Variants in MVB12B observed in about 807,000 individuals in gnomAD.
MVB12B encodes the protein ESCRT-I complex subunit MVB12B.
MVB12B carries 16 observed loss-of-function variants against 41.6 expected under a neutral mutation model. That is an observed-to-expected ratio of 0.38 (90% CI 0.26 to 0.58). The LOEUF (loss-of-function observed/expected upper bound fraction) is 0.58. MVB12B is among the 20% of genes least tolerant of loss of function. MVB12B has a pLI of 0.62. For synonymous variants in MVB12B, 133 were observed against 139.7 expected (o/e 0.95, Z 0.34); for missense variants, 274 against 380.2 (o/e 0.72, Z 2.32).
chr9:126,413,543 CCTTT>C (rs1564317950), intron 6 of MVB12B, among the ~76,000 whole-genome samples: 1 of 152,132 alleles, frequency 6.6e-6, no homozygotes, highest in Non-Finnish European at 1.5e-5. Flanking sequence ...CATTACTTCC[CCTTT>C]CTTAAGTATT....
chr9:126,421,770 T>A, intron 6 of MVB12B, 84 bp from the exon 7 acceptor site: 1 of 1,022,364 alleles, frequency 9.8e-7, no homozygotes, highest in Non-Finnish European at 1.6e-6. Flanking sequence ...TGTGCTGCAT[T>A]TCAGCTGTTG....
intron 2 of MVB12B, among the ~76,000 whole-genome samples, chr9:126,372,938 G>C (rs1454438739): frequency 6.6e-6 from 1 of 152,126 alleles, no homozygotes; most frequent in African/African-American, 2.4e-5. Flanking sequence ...GCACAGTTAG[G>C]AAAGACCTGT....
At chr9:126,418,174 G>A (rs1831881095) in intron 6 of MVB12B, among the ~76,000 whole-genome samples, 1 of 151,838 alleles carries the variant, frequency 6.6e-6, no homozygotes, top group Non-Finnish European at 1.5e-5. Flanking sequence ...CGGGGTGGGG[G>A]GTGGTGGGCA....
At chr9:126,413,578 G>A (rs191186082) in intron 6 of MVB12B, among the ~76,000 whole-genome samples, 4 of 152,306 alleles carry the variant, frequency 2.6e-5, no homozygotes, top group South Asian at 4.1e-4. Context: ...CATCTGGAAT[G>A]TATTATTAAG....
intron 7 of MVB12B, among the ~76,000 whole-genome samples, chr9:126,456,568 C>A (rs1394827038): frequency 2.6e-5 from 4 of 152,214 alleles, no homozygotes; most frequent in Admixed American, 1.3e-4. Context: ...TCTCATCCTG[C>A]CCCTCCCTGC....
Position 126,478,268 on chromosome 9 carries a change from G to A in MVB12B, c.758-3101G>A, listed in dbSNP as rs1193135510. On this transcript the variant is annotated intron_variant, in intron 7 of 9. Transcript: ENST00000361171. This position sits in a 1 kb window ranked among gnomAD's most constrained non-coding sequence, Gnocchi z 4.2. ...TTCATCTCCAGCAGCAGCAGGCGGG[G>A]GTAGCAGTGAGCAGGGTCCCCAGGT... Among the ~76,000 whole-genome samples, 1 of 152,192 alleles carries A rather than the reference G, an allele frequency of 6.6e-6. No individual in the cohort carries two copies. Among genetic ancestry groups the A allele is most frequent in the Non-Finnish European group, 1.5e-5 (1 of 68,028 alleles).
rs189261562 is a variant in MVB12B, at chr9:126,410,602, C to T, written c.663-11252C>T. 1.9e-4 allele frequency among the ~76,000 whole-genome samples: 29 copies of T among 152,270 alleles called. No homozygotes were observed. The East Asian group carries it at 3.5e-3, about 18-fold the overall frequency. On this transcript the variant is annotated intron_variant, in intron 6 of 9. Transcript: ENST00000361171. ...AAATTCCAGGAACAAAGCCTTCACGCGGGCCTCCCTGGAAAGCCCCTCCCA... is the reference window on the plus strand; with the variant it reads ...AAATTCCAGGAACAAAGCCTTCACGTGGGCCTCCCTGGAAAGCCCCTCCCA...
rs143928729 is a variant in MVB12B, at chr9:126,470,646, C to CTGTGTGTGTG, written c.758-10701_758-10692dup. Among the ~76,000 whole-genome samples, 1,208 of 143,606 alleles carry CTGTGTGTGTG rather than the reference C, an allele frequency of 8.4e-3. 8 individuals are homozygous for CTGTGTGTGTG. Among genetic ancestry groups the CTGTGTGTGTG allele is most frequent in the East Asian group, 0.02 (100 of 4,908 alleles). The allele number at this position is 143,606 out of a possible 152,430, so 94.2% of individuals were successfully genotyped here. A position where few individuals can be genotyped will look rare whatever the true frequency, so the allele number is the denominator to read the frequency against. On this transcript the variant is annotated intron_variant, in intron 7 of 9. Coordinates refer to ENST00000361171, the MANE Select transcript of MVB12B (RefSeq NM_033446.3). ...GGGGAGCCTAGGAGGAGTCAGTGCT[C>CTGTGTGTGTG]TGTGTGTGTGTGTGTGTGTGTGTGT... is the stretch of plus-strand genomic sequence containing the variant.
chr9:126,469,906 T>A (rs1833276479), intron 7 of MVB12B, among the ~76,000 whole-genome samples: 1 of 152,180 alleles, frequency 6.6e-6, no homozygotes, highest in African/African-American at 2.4e-5. Flanking sequence ...CATTAAATAT[T>A]TATAACGTTA....
At position 126,439,329 on chromosome 9, in the gene MVB12B, G is replaced by A. The variant is rs375445635; in HGVS notation, c.757+17381G>A. Among the ~76,000 whole-genome samples the A allele has an allele frequency of 2.9e-4, 44 of 152,280 alleles. No homozygotes were observed. In the East Asian group the frequency reaches 6.2e-3, roughly 21 times the overall value. ...TCTGCTGGGGGTGGGGGCGCTGGGC[G>A]CAGGGTGAGAGTTGCTCTGTGGGAG... On this transcript the variant is annotated intron_variant, in intron 7 of 9. Coordinates refer to ENST00000361171, the MANE Select transcript of MVB12B (RefSeq NM_033446.3).
At chr9:126,427,179 C>A (rs916357650) in intron 7 of MVB12B, among the ~76,000 whole-genome samples, 1 of 152,106 alleles carries the variant, frequency 6.6e-6, no homozygotes, top group Non-Finnish European at 1.5e-5. Context: ...ATGATTATAA[C>A]TCTAAGTTTG....
intron 2 of MVB12B, among the ~76,000 whole-genome samples, chr9:126,353,216 C>T (rs990813034): frequency 1.3e-5 from 2 of 152,210 alleles, no homozygotes; most frequent in Non-Finnish European, 2.9e-5. Flanking sequence ...TGTCAGCTCA[C>T]TTCTGTCATT....
At chr9:126,400,190 C>A (rs1831230505) in intron 6 of MVB12B, among the ~76,000 whole-genome samples, 1 of 152,100 alleles carries the variant, frequency 6.6e-6, no homozygotes. Flanking sequence ...CAGCCTGCTG[C>A]AGATGTCTTA....
At chr9:126,361,652 T>C (rs773902142) in intron 2 of MVB12B, among the ~76,000 whole-genome samples, 1 of 152,176 alleles carries the variant, frequency 6.6e-6, no homozygotes, top group Non-Finnish European at 1.5e-5. Context: ...TTTGTTTGTC[T>C]GAACAAAGTC....
chr9:126,374,917 G>A (rs1285118371), intron 2 of MVB12B, among the ~76,000 whole-genome samples: 1 of 152,146 alleles, frequency 6.6e-6, no homozygotes, highest in Non-Finnish European at 1.5e-5. Context: ...AGTGATGCCT[G>A]CGTGCACAGT....
At chr9:126,334,108 C>G (rs1829211468) in intron 1 of MVB12B, among the ~76,000 whole-genome samples, 2 of 152,174 alleles carry the variant, frequency 1.3e-5, no homozygotes, top group South Asian at 4.1e-4. Context: ...AACTCCCACT[C>G]CAGAATGTGG....
chr9:126,335,331 G>T, intron 1 of MVB12B: 1 of 1,304,224 alleles, frequency 7.7e-7, no homozygotes, highest in South Asian at 1.2e-5. Context: ...TGTCCCCCAC[G>T]GGTGGCCCCA....
In MVB12B at chr9:126,421,534, G is replaced by T. The variant is rs541989617; in HGVS notation, c.663-320G>T. ...TCTTGCTGGTGCATTTTGCCCAGTG[G>T]GCAGAGATCTGGATCAAACTGCCAC... On this transcript the variant is annotated intron_variant, in intron 6 of 9. Transcript: ENST00000361171. Among the ~76,000 whole-genome samples the T allele has an allele frequency of 7.9e-5, 12 of 152,330 alleles. No homozygotes were observed. The South Asian group carries it at 1.7e-3, about 21-fold the overall frequency.
rs1222494464 is a variant in MVB12B at position 126,473,501 on chromosome 9, C to T, written c.758-7868C>T. Among the ~76,000 whole-genome samples, 1 of 152,234 alleles carries T rather than the reference C, an allele frequency of 6.6e-6. No homozygotes were observed. The highest frequency in any genetic ancestry group is 1.5e-5 in the Non-Finnish European group (1 of 68,042). On this transcript the variant is annotated intron_variant, in intron 7 of 9. Coordinates refer to ENST00000361171, the MANE Select transcript of MVB12B (RefSeq NM_033446.3). The surrounding 1 kb of genome is among the most constrained non-coding windows in gnomAD (Gnocchi z 4.0). ...GGCTGTACAGGAAGCATGGCAGCAT[C>T]TGCTTCTGGGGAGCCCTCAGGAAGC...
Sources: gnomAD v4.1 joint callset for allele counts (sites outside exome capture counted in the v4.1 genomes callset) on GRCh38, gnomAD v4.1.1 for gene constraint, Gnocchi (gnomAD v3.1) non-coding constraint, MANE v1.5 for transcripts, NCBI Gene and HGNC (gene_info 2026-07-23, HGNC 2026-07-21) for gene names.